GRM1: variants seen among roughly 807,000 people sequenced by gnomAD.
GRM1 encodes the protein glutamate metabotropic receptor 1.
Under a neutral mutation model 90.9 loss-of-function variants are expected in GRM1, and 33 were observed. The ratio of observed to expected loss-of-function variants is 0.36; its 90% CI spans 0.28 to 0.49. The LOEUF (loss-of-function observed/expected upper bound fraction) is 0.49. Among genes scored for constraint, GRM1 ranks in the 20% least tolerant of loss-of-function variants. The pLI, the probability that GRM1 is intolerant of heterozygous loss-of-function variation, is 0.99. For synonymous variants in GRM1, 700 were observed against 613.2 expected (o/e 1.14, Z -2.09); for missense variants, 1,190 against 1,534.3 (o/e 0.78, Z 3.75).
At chr6:146,430,489 G>A (rs1778369166) in intron 7 of GRM1, among the ~76,000 whole-genome samples, 1 of 152,178 alleles carries the variant, frequency 6.6e-6, no homozygotes, top group South Asian at 2.1e-4. Context: ...TAACAATTAT[G>A]TGGTGTTTTC....
In GRM1 at chr6:146,213,684, TTAGATAGATAGATAGATAGA is replaced by T. The variant is rs750265154; in HGVS notation, c.950+54121_950+54140del. ...GGAGATAGATAGATAGATGGAAAGATTAGATAGATAGATAGATAGATAGATAGATAGATAGATAGATAGAT... is the reference window on the plus strand; with the variant it reads ...GGAGATAGATAGATAGATGGAAAGATTAGATAGATAGATAGATAGATAGAT... On this transcript the variant is annotated intron_variant, in intron 2 of 7. Coordinates refer to ENST00000282753, the MANE Select transcript of GRM1 (RefSeq NM_001278064.2). Among the ~76,000 whole-genome samples the T allele has an allele frequency of 1.2e-3, 171 of 146,432 alleles. 1 individual carries two copies. The highest frequency in any genetic ancestry group is 2.0e-3 in the Non-Finnish European group (131 of 66,696).
intron 5 of GRM1, among the ~76,000 whole-genome samples, chr6:146,374,790 C>A (rs934991777): frequency 6.6e-6 from 1 of 151,692 alleles, no homozygotes; most frequent in African/African-American, 2.4e-5. Context: ...AGTTTTTCAA[C>A]TCTGTTAACT....
intron 7 of GRM1, among the ~76,000 whole-genome samples, chr6:146,419,080 A>C (rs945575068): frequency 1.2e-4 from 19 of 152,152 alleles, no homozygotes; most frequent in Middle Eastern, 3.2e-3. Context: ...GATTTCGCCT[A>C]CATTGCAATG....
chr6:146,295,117 T>A (rs1783130657), intron 2 of GRM1, among the ~76,000 whole-genome samples: 1 of 152,056 alleles, frequency 6.6e-6, no homozygotes, highest in Non-Finnish European at 1.5e-5. Flanking sequence ...TGTTGGAGAG[T>A]TTAGATATTT....
chr6:146,286,240 T>G (rs1249349824), intron 2 of GRM1, among the ~76,000 whole-genome samples: 1 of 152,146 alleles, frequency 6.6e-6, no homozygotes, highest in Non-Finnish European at 1.5e-5. Flanking sequence ...TATTTTAAAT[T>G]TCCTCCAAAT....
At chr6:146,133,329 A>G (rs553486572) in intron 1 of GRM1, among the ~76,000 whole-genome samples, 1 of 152,318 alleles carries the variant, frequency 6.6e-6, no homozygotes, top group East Asian at 1.9e-4. Flanking sequence ...TTATTGGTGA[A>G]AACTAATGAT....
In GRM1 at chr6:146,433,980, C is replaced by A; in HGVS notation, c.2769C>A (p.Ala923=). The A allele has an allele frequency of 6.2e-7, 1 of 1,614,056 alleles. No homozygotes were observed. Among genetic ancestry groups the A allele is most frequent in the Non-Finnish European group, 8.5e-7 (1 of 1,179,886 alleles). The change falls in exon 8 of 8, where the codon GCC becomes GCA. Residue 923 remains alanine, a synonymous_variant. Transcript: ENST00000282753. ...LSVHVKTNET[A]CNQTAVIKPL... ...TGCACGTGAAGACCAATGAGACGGCCTGCAACCAAACAGCCGTCATCAAGC... is the reference window on the plus strand; with the variant it reads ...TGCACGTGAAGACCAATGAGACGGCATGCAACCAAACAGCCGTCATCAAGC...
At chr6:146,052,223 A>C (rs146509551) in intron 1 of GRM1, among the ~76,000 whole-genome samples, 1 of 152,042 alleles carries the variant, frequency 6.6e-6, no homozygotes, top group African/African-American at 2.4e-5. Flanking sequence ...ACTTTCCTCA[A>C]TATTATATTT....
At chr6:146,357,394 A>T (rs957796429) in intron 4 of GRM1, 132 bp from the exon 5 acceptor site, 1 of 733,250 alleles carries the variant, frequency 1.4e-6, no homozygotes, top group African/African-American at 1.7e-5. Context: ...GAAATAAGCT[A>T]AAATATTGGC....
chr6:146,066,945 A>G (rs960560253), intron 1 of GRM1, among the ~76,000 whole-genome samples: 1 of 152,206 alleles, frequency 6.6e-6, no homozygotes, highest in African/African-American at 2.4e-5. Context: ...AAATGTTAAC[A>G]TATTTATTCA....
chr6:146,275,847 T>A (rs1170387639), intron 2 of GRM1, among the ~76,000 whole-genome samples: 1 of 152,208 alleles, frequency 6.6e-6, no homozygotes, highest in Non-Finnish European at 1.5e-5. Context: ...ATATAATTTA[T>A]TAAAAATTAT....
At chr6:146,398,115 T>C (rs528184524) in intron 6 of GRM1, among the ~76,000 whole-genome samples, 2 of 152,320 alleles carry the variant, frequency 1.3e-5, no homozygotes, top group African/African-American at 4.8e-5. Flanking sequence ...TAGGGGAGAT[T>C]TCATTCTTCC....
At chr6:146,354,674 A>T (rs1785522347) in intron 4 of GRM1, among the ~76,000 whole-genome samples, 1 of 152,144 alleles carries the variant, frequency 6.6e-6, no homozygotes. Context: ...ACCATCGTTC[A>T]TGCTTTTGGT....
intron 6 of GRM1, among the ~76,000 whole-genome samples, chr6:146,396,016 T>C (rs1776911578): frequency 6.6e-6 from 1 of 152,094 alleles, no homozygotes; most frequent in African/African-American, 2.4e-5. Flanking sequence ...CATCATAAAT[T>C]AGTTCCCATA....
chr6:146,180,526 A>G (rs1376740742), intron 2 of GRM1, among the ~76,000 whole-genome samples: 1 of 152,150 alleles, frequency 6.6e-6, no homozygotes, highest in Non-Finnish European at 1.5e-5. Context: ...AATGTGAAAT[A>G]TATATTGTGT....
chr6:146,270,667 G>A (rs776577042), intron 2 of GRM1, among the ~76,000 whole-genome samples: 6 of 151,990 alleles, frequency 3.9e-5, no homozygotes, highest in African/African-American at 9.7e-5. Context: ...CACAATGTTG[G>A]TGACCAAGAA....
intron 2 of GRM1, among the ~76,000 whole-genome samples, chr6:146,182,340 C>A (rs1778576989): frequency 6.6e-6 from 1 of 151,894 alleles, no homozygotes; most frequent in Admixed American, 6.6e-5. Context: ...TAGTAGAATT[C>A]TAAACGACAG....
At position 146,436,058 on chromosome 6, in the gene GRM1, G is replaced by C. The variant is rs1177974996; in HGVS notation, c.*1262G>C. ...TGTGCGATCGTAAAATTTGTGCAATGTAATGTCAAATTGACTGGTCAATGT... is the reference window on the plus strand; with the variant it reads ...TGTGCGATCGTAAAATTTGTGCAATCTAATGTCAAATTGACTGGTCAATGT... On this transcript the variant is annotated 3_prime_UTR_variant, in exon 8 of 8. Transcript: ENST00000282753. The C allele has an allele frequency of 1.3e-5, 2 of 152,614 alleles. No individual in the cohort carries two copies. The highest frequency in any genetic ancestry group is 4.8e-5 in the African/African-American group (2 of 41,444). 9.5% of individuals were successfully genotyped at this position (152,614 alleles called of 1,614,324 possible).
intron 2 of GRM1, among the ~76,000 whole-genome samples, chr6:146,260,893 C>T (rs1325524793): frequency 9.0e-6 from 1 of 110,890 alleles, no homozygotes; most frequent in Non-Finnish European, 1.8e-5. Flanking sequence ...TGACTGTTAG[C>T]TCTATTTGGG....
Sources: gnomAD v4.1 joint callset for allele counts (sites outside exome capture counted in the v4.1 genomes callset) on GRCh38, gnomAD v4.1.1 for gene constraint, MANE v1.5 for transcripts, NCBI Gene and HGNC (gene_info 2026-07-23, HGNC 2026-07-21) for gene names.